COL6A6: variants seen among roughly 807,000 people sequenced by gnomAD.
COL6A6 encodes the protein collagen type VI alpha 6 chain, also known as collagen alpha-6(VI) chain.
Under a neutral mutation model 208.6 loss-of-function variants are expected in COL6A6, and 183 were observed. The observed-to-expected ratio is 0.88, with a 90% confidence interval of 0.78 to 0.99. The LOEUF (loss-of-function observed/expected upper bound fraction) is 0.99. COL6A6 is among the 50% of genes least tolerant of loss of function. The pLI, the probability that COL6A6 is intolerant of heterozygous loss-of-function variation, is 0.00. For missense variants in COL6A6, 2,816 were observed against 2,815.2 expected (o/e 1.00, Z -0.01); for synonymous variants, 973 against 1,011.8 (o/e 0.96, Z 0.73).
chr3:130,608,403 C>T (rs919770278), intron 21 of COL6A6, among the ~76,000 whole-genome samples: 1 of 152,094 alleles, frequency 6.6e-6, no homozygotes, highest in Admixed American at 6.5e-5. Flanking sequence ...AAATTATAAA[C>T]TTCTTGAATT....
At chr3:130,601,167 C>T (rs1006765544) in intron 20 of COL6A6, among the ~76,000 whole-genome samples, 8 of 152,016 alleles carry the variant, frequency 5.3e-5, no homozygotes, top group Non-Finnish European at 1.2e-4. Context: ...TCTTTCCATT[C>T]TTTATGTAGT....
intron 23 of COL6A6, among the ~76,000 whole-genome samples, chr3:130,614,363 T>G (rs2064448338): frequency 6.6e-6 from 1 of 152,210 alleles, no homozygotes. Context: ...TAAGGCCTAC[T>G]TGATTGTGGT....
Position 130,586,367 on chromosome 3 carries a change from A to T in COL6A6, c.3971-139A>T, listed in dbSNP as rs78869881. The stretch of plus-strand genomic sequence containing the variant: ...TCTTGTCACTTGTCAGGTTTACATC[A>T]TGTGTTTGGGGGAAGTGGACAGTAA... On this transcript the variant is annotated intron_variant, in intron 10 of 36. Transcript: ENST00000358511. 2.2e-3 allele frequency: 1,433 copies of T among 648,782 alleles called. 15 individuals are homozygous for T. The African/African-American group carries it at 0.023, about 11-fold the overall frequency. The allele number at this position is 648,782 out of a possible 1,614,324, so 40.2% of individuals were successfully genotyped here.
chr3:130,587,117 A>G (rs1378490926), intron 11 of COL6A6, among the ~76,000 whole-genome samples: 1 of 152,198 alleles, frequency 6.6e-6, no homozygotes. Context: ...CTGTAAATGA[A>G]AGCAAATTAC....
At chr3:130,588,992 G>T in intron 11 of COL6A6, 98 bp from the exon 12 acceptor site, 2 of 686,208 alleles carry the variant, frequency 2.9e-6, no homozygotes, top group South Asian at 2.2e-5. Context: ...CCAGGCTTCT[G>T]AAACTGTGGT....
chr3:130,668,872 TA>T lies in COL6A6; in HGVS notation c.6596+3779del, dbSNP rs2066141254. On this transcript the variant is annotated intron_variant, in intron 36 of 36. Transcript: ENST00000358511. ...AAAATTAGTAATGATATAAAAGATG[TA>T]AACATAAGTAACAAATGATTTAATA... Among the ~76,000 whole-genome samples the T allele has an allele frequency of 2.6e-5, 4 of 152,290 alleles. No homozygotes were observed. In the Middle Eastern group the frequency reaches 0.014, roughly 518 times the overall value.
intron 10 of COL6A6, among the ~76,000 whole-genome samples, chr3:130,582,777 A>G (rs962897994): frequency 6.6e-6 from 1 of 152,092 alleles, no homozygotes; most frequent in African/African-American, 2.4e-5. Flanking sequence ...GCTGCTAACA[A>G]CTCACAGCTT....
intron 2 of COL6A6, among the ~76,000 whole-genome samples, chr3:130,561,452 C>G (rs987253528): frequency 6.6e-6 from 1 of 152,104 alleles, no homozygotes; most frequent in Non-Finnish European, 1.5e-5. Context: ...CATTATGCCT[C>G]GATCAGATGG....
In COL6A6 at chr3:130,565,435, A is replaced by T. The variant is rs1380156342; in HGVS notation, c.1103A>T (p.Glu368Val). The change falls in exon 4 of 37, where the codon GAG becomes GTG. Residue 368 changes from glutamate (E) to valine (V), a missense_variant. Coordinates refer to ENST00000358511, the MANE Select transcript of COL6A6 (RefSeq NM_001102608.3). ...GTGACCATCTTCACCCTGGGCATAG[A>T]GGGCGCCAGCGACACCCAGTTGGAA... ...EGVTIFTLGI[E>V]GASDTQLEKI... 3 of 1,613,778 alleles carry T rather than the reference A, an allele frequency of 1.9e-6. No homozygotes were observed. Among genetic ancestry groups the T allele is most frequent in the African/African-American group, 2.7e-5 (2 of 74,912 alleles).
chr3:130,592,700 A>G lies in COL6A6; in HGVS notation c.4349A>G (p.Asn1450Ser). ...TAACTGTCCTTTTATTTTCAGGGAA[A>G]CAGAGGACTAAATGGACAGGAGGTA... The part of the protein sequence containing the change: ...GCYGTKGPKG[N>S]RGLNGQEGEV... Residue 1450 changes from asparagine to serine, a missense_variant, in exon 15 of 37, where the codon AAC becomes AGC. Transcript: ENST00000358511. 1 of 1,612,848 alleles carries G rather than the reference A, an allele frequency of 6.2e-7. No individual in the cohort carries two copies. The highest frequency in any genetic ancestry group is 8.5e-7 in the Non-Finnish European group (1 of 1,179,074).
At chr3:130,658,639 C>T in intron 33 of COL6A6, 37 bp from the exon 34 acceptor site, 2 of 1,393,416 alleles carry the variant, frequency 1.4e-6, no homozygotes, top group Non-Finnish European at 2.0e-6. Context: ...TGCAGCCCTA[C>T]CCACTAAGTT....
At position 130,672,332 on chromosome 3, in the gene COL6A6, A is replaced by G. The variant is rs1205509524; in HGVS notation, c.6597-2870A>G. On this transcript the variant is annotated intron_variant, in intron 36 of 36. Transcript: ENST00000358511. ...CAAGCTATTGGAGTTACCAATCAGC[A>G]AAGAATTATTTGAACAATATATAGT... Among the ~76,000 whole-genome samples, 19 of 152,368 alleles carry G rather than the reference A, an allele frequency of 1.2e-4. No homozygotes were observed. In the East Asian group the frequency reaches 3.5e-3, roughly 28 times the overall value.
intron 32 of COL6A6, among the ~76,000 whole-genome samples, chr3:130,647,846 G>A (rs78629584): frequency 0.018 from 2,778 of 152,294 alleles, 87 homozygotes; most frequent in African/African-American, 0.063. Context: ...TCACTGGGGT[G>A]TCCTTTTACC....
At chr3:130,637,384 A>C (rs1462898804) in intron 28 of COL6A6, among the ~76,000 whole-genome samples, 1 of 151,728 alleles carries the variant, frequency 6.6e-6, no homozygotes, top group Non-Finnish European at 1.5e-5. Context: ...CTCCCCACAA[A>C]GTCACATTAT....
chr3:130,664,327 C>T (rs1196283821), intron 35 of COL6A6, among the ~76,000 whole-genome samples: 3 of 152,180 alleles, frequency 2.0e-5, no homozygotes, highest in Non-Finnish European at 4.4e-5. Context: ...GCTCTGGAGA[C>T]AGTGTTGGGT....
At chr3:130,624,939 ACT>A (rs1198049489) in intron 24 of COL6A6, among the ~76,000 whole-genome samples, 4 of 152,168 alleles carry the variant, frequency 2.6e-5, no homozygotes, top group African/African-American at 4.8e-5. Context: ...TTAACACTTG[ACT>A]CTACCAATAA....
At chr3:130,517,842 A>C (rs2107650161) in intron 1 of COL6A6, among the ~76,000 whole-genome samples, 1 of 152,364 alleles carries the variant, frequency 6.6e-6, no homozygotes, top group East Asian at 1.9e-4. Flanking sequence ...AAGCCTGTAC[A>C]TTCCCAGTCT....
chr3:130,573,593 G>T (rs2063217557), intron 7 of COL6A6, among the ~76,000 whole-genome samples: 2 of 136,192 alleles, frequency 1.5e-5, no homozygotes, highest in African/African-American at 2.7e-5. Flanking sequence ...TTGAGACGGG[G>T]TCTTGCTCTG....
intron 1 of COL6A6, among the ~76,000 whole-genome samples, chr3:130,528,502 C>T (rs74353782): frequency 0.022 from 3,343 of 152,268 alleles, 124 homozygotes; most frequent in African/African-American, 0.076. Context: ...GCAGGTCATA[C>T]TGTCTCTGTT....
Sources: allele counts gnomAD v4.1 joint callset (sites outside exome capture counted in the v4.1 genomes callset), GRCh38; gene constraint gnomAD v4.1.1; transcripts MANE v1.5; gene names NCBI Gene and HGNC (gene_info 2026-07-23, HGNC 2026-07-21).